LARGE1: variants seen among roughly 807,000 people sequenced by gnomAD.
LARGE1 encodes the protein LARGE xylosyl- and glucuronyltransferase 1, also known as xylosyl- and glucuronyltransferase LARGE1.
Under a neutral mutation model 87.6 loss-of-function variants are expected in LARGE1, and 43 were observed. That is an observed-to-expected ratio of 0.49 (90% CI 0.38 to 0.63). The LOEUF (loss-of-function observed/expected upper bound fraction) is 0.63. LARGE1 is among the 30% of genes least tolerant of loss of function. The pLI, the probability that LARGE1 is intolerant of heterozygous loss-of-function variation, is 0.00. For missense variants in LARGE1, 802 were observed against 1,000.2 expected (o/e 0.80, Z 2.67); for synonymous variants, 434 against 394.6 (o/e 1.10, Z -1.18).
downstream of LARGE1, among the ~76,000 whole-genome samples, chr22:33,271,314 T>A (rs956551926): frequency 6.6e-6 from 1 of 152,238 alleles, no homozygotes; most frequent in Non-Finnish European, 1.5e-5. Flanking sequence ...ATTTAAATTC[T>A]AGGTCTGCCA....
chr22:33,080,365 G>A, the LARGE1 span, among the ~76,000 whole-genome samples: 3 of 152,172 alleles, frequency 2.0e-5, no homozygotes, highest in Non-Finnish European at 2.9e-5. Context: ...TCTCACTCGT[G>A]CTCTTTGTTC....
chr22:33,252,206 G>T (rs1927038217), intron 11 of LARGE1, among the ~76,000 whole-genome samples: 1 of 149,452 alleles, frequency 6.7e-6, no homozygotes, highest in Non-Finnish European at 1.5e-5. Flanking sequence ...TTATTTTTAA[G>T]TTATAAATAT....
the LARGE1 span, among the ~76,000 whole-genome samples, chr22:33,095,651 A>C: frequency 6.6e-6 from 1 of 152,314 alleles, no homozygotes; most frequent in African/African-American, 2.4e-5. Flanking sequence ...TCATTAAATG[A>C]TGAAGGAATA....
intron 6 of LARGE1, among the ~76,000 whole-genome samples, chr22:33,458,096 T>A (rs1055480169): frequency 1.3e-5 from 2 of 151,946 alleles, no homozygotes; most frequent in African/African-American, 4.8e-5. Context: ...ATTTTAAAAA[T>A]GTCTAATTTT....
Position 33,294,198 on chromosome 22 carries a change from C to T in LARGE1, c.1730+10031G>A, listed in dbSNP as rs139136848. Among the ~76,000 whole-genome samples, 9 of 152,334 alleles carry T rather than the reference C, an allele frequency of 5.9e-5. No individual in the cohort carries two copies. In the East Asian group the frequency reaches 1.2e-3, roughly 20 times the overall value. ...AGAAATGCCCGTGCTGACTTCTTTG[C>T]GGTGTTGCAATAAATGGCTGAGGCC... On this transcript the variant is annotated intron_variant, in intron 12 of 14. Coordinates refer to ENST00000397394, the MANE Select transcript of LARGE1 (RefSeq NM_133642.5).
At chr22:33,834,294 C>T (rs888360692) in intron 1 of LARGE1, among the ~76,000 whole-genome samples, 3 of 152,152 alleles carry the variant, frequency 2.0e-5, no homozygotes, top group African/African-American at 7.2e-5. Flanking sequence ...CCTGTCAGGC[C>T]TCTGAGCCCA....
At chr22:33,860,179 A>G (rs1555885535) in intron 1 of LARGE1, among the ~76,000 whole-genome samples, 1 of 152,102 alleles carries the variant, frequency 6.6e-6, no homozygotes, top group Non-Finnish European at 1.5e-5. Flanking sequence ...TTTTGTACAG[A>G]CAGGGTCTCA....
intron 1 of LARGE1, among the ~76,000 whole-genome samples, chr22:33,787,142 G>A (rs745488101): frequency 4.6e-5 from 7 of 151,892 alleles, no homozygotes; most frequent in Non-Finnish European, 7.4e-5. Flanking sequence ...ATACTTCCAC[G>A]TAACAGCTGG....
chr22:33,774,994 G>A (rs536892382), intron 1 of LARGE1, among the ~76,000 whole-genome samples: 1 of 152,266 alleles, frequency 6.6e-6, no homozygotes, highest in South Asian at 2.1e-4. Flanking sequence ...AGGAGTTAGT[G>A]GCAGCAGAAC....
the LARGE1 span, among the ~76,000 whole-genome samples, chr22:33,156,412 T>A: frequency 8.9e-3 from 1,355 of 152,320 alleles, 28 homozygotes; most frequent in African/African-American, 0.031. Flanking sequence ...ACATTAATGT[T>A]ATCTGGATGT....
chr22:33,226,913 T>C (rs1410965066), intron 11 of LARGE1, among the ~76,000 whole-genome samples: 1 of 152,056 alleles, frequency 6.6e-6, no homozygotes, highest in Non-Finnish European at 1.5e-5. Flanking sequence ...GTATTTTTAG[T>C]AGAGACGGGG....
chr22:33,650,711 A>T, intron 2 of LARGE1, 43 bp from the exon 3 acceptor site: 1 of 1,594,562 alleles, frequency 6.3e-7, no homozygotes, highest in Middle Eastern at 2.2e-4. Context: ...TGGATGAACC[A>T]TGCCTCAAGC....
At chr22:33,117,951 A>G in the LARGE1 span, among the ~76,000 whole-genome samples, 41 of 152,326 alleles carry the variant, frequency 2.7e-4, no homozygotes, top group African/African-American at 9.6e-4. Flanking sequence ...AAATGGTCTC[A>G]GTTAAGGAGT....
the LARGE1 span, among the ~76,000 whole-genome samples, chr22:33,156,415 C>T: frequency 2.6e-5 from 4 of 152,198 alleles, no homozygotes. Flanking sequence ...TTAATGTTAT[C>T]TGGATGTGAG....
intron 1 of LARGE1, among the ~76,000 whole-genome samples, chr22:33,778,482 C>A (rs1044154460): frequency 6.6e-6 from 1 of 152,156 alleles, no homozygotes; most frequent in Non-Finnish European, 1.5e-5. Context: ...CCCATTTTCC[C>A]TTACTCCTCG....
the LARGE1 span, among the ~76,000 whole-genome samples, chr22:33,096,437 T>C: frequency 6.7e-6 from 1 of 148,816 alleles, no homozygotes; most frequent in South Asian, 2.1e-4. Flanking sequence ...AAAAAAAGGA[T>C]ATAATACCCA....
intron 4 of LARGE1, among the ~76,000 whole-genome samples, chr22:33,618,418 C>T (rs2079643803): frequency 6.6e-6 from 1 of 152,164 alleles, no homozygotes; most frequent in Admixed American, 6.5e-5. Context: ...GCCTTGGTTT[C>T]CTCATCTGTT....
At chr22:33,671,164 GA>G in intron 2 of LARGE1, among the ~76,000 whole-genome samples, 1 of 152,286 alleles carries the variant, frequency 6.6e-6, no homozygotes, top group South Asian at 2.1e-4. Context: ...ACTTTATCCT[GA>G]GGCCAGGGGG....
At chr22:33,843,848 CG>C (rs1252244756) in intron 1 of LARGE1, among the ~76,000 whole-genome samples, 1 of 152,026 alleles carries the variant, frequency 6.6e-6, no homozygotes, top group Non-Finnish European at 1.5e-5. Flanking sequence ...GAGGCCAAGG[CG>C]GGCGGATCAC....
Sources: gnomAD v4.1 joint callset for allele counts (sites outside exome capture counted in the v4.1 genomes callset) on GRCh38, gnomAD v4.1.1 for gene constraint, MANE v1.5 for transcripts, NCBI Gene and HGNC (gene_info 2026-07-23, HGNC 2026-07-21) for gene names.